Variants in PPP2R2C observed in about 807,000 individuals in gnomAD.
PPP2R2C encodes protein phosphatase 2 regulatory subunit Bgamma, also known as protein phosphatase 2, regulatory subunit B, gamma.
PPP2R2C carries 10 observed loss-of-function variants against 45.3 expected under a neutral mutation model. The observed-to-expected ratio is 0.22, with a 90% CI of 0.14 to 0.37. The LOEUF is 0.37. PPP2R2C is among the 10% of genes least tolerant of loss of function. The pLI, the probability that PPP2R2C is intolerant of heterozygous loss-of-function variation, is 1.00. For missense variants in PPP2R2C, 308 were observed against 619.7 expected (o/e 0.50, Z 5.34); for synonymous variants, 257 against 245.4 (o/e 1.05, Z -0.44).
intron 1 of PPP2R2C, among the ~76,000 whole-genome samples, chr4:6,395,237 A>G (rs1716943441): frequency 6.6e-6 from 1 of 151,950 alleles, no homozygotes; most frequent in Admixed American, 6.6e-5. Flanking sequence ...CACTCCTAAC[A>G]CTGCCCCTTC....
chr4:6,323,687 G>A, intron 8 of PPP2R2C, 94 bp from the exon 9 acceptor site: 1 of 1,309,298 alleles, frequency 7.6e-7, no homozygotes. Flanking sequence ...CATAATCCCA[G>A]GACTTTGGGA....
At chr4:6,464,708 T>A (rs1456930243) in intron 1 of PPP2R2C, among the ~76,000 whole-genome samples, 1 of 152,198 alleles carries the variant, frequency 6.6e-6, no homozygotes, top group Non-Finnish European at 1.5e-5. Context: ...TGCCAATGTG[T>A]GTCAACAACA....
chr4:6,439,730 ACATACTTCT>A (rs1416952705), intron 1 of PPP2R2C, among the ~76,000 whole-genome samples: 1 of 152,162 alleles, frequency 6.6e-6, no homozygotes, highest in Non-Finnish European at 1.5e-5. Flanking sequence ...ACTCAGACAT[ACATACTTCT>A]CTGTTGAATG....
intron 1 of PPP2R2C, among the ~76,000 whole-genome samples, chr4:6,397,426 G>T (rs1200686229): frequency 6.6e-6 from 1 of 152,238 alleles, no homozygotes; most frequent in Non-Finnish European, 1.5e-5. Flanking sequence ...TGCGCTGCGG[G>T]GGTCTCCCGG....
chr4:6,362,859 C>A (rs182407250), intron 5 of PPP2R2C, among the ~76,000 whole-genome samples: 1,631 of 135,706 alleles, frequency 0.012, 18 homozygotes, highest in Non-Finnish European at 0.02. Context: ...TGAATCCCAG[C>A]CCTGGCACCC....
intron 1 of PPP2R2C, among the ~76,000 whole-genome samples, chr4:6,444,026 G>A (rs1404748801): frequency 6.6e-6 from 1 of 152,202 alleles, no homozygotes; most frequent in Non-Finnish European, 1.5e-5. Context: ...CCTGGCCCGT[G>A]AGTAGCCTCC....
chr4:6,363,539 A>C (rs1037289575), intron 5 of PPP2R2C, among the ~76,000 whole-genome samples: 19 of 151,962 alleles, frequency 1.3e-4, no homozygotes, highest in Admixed American at 6.6e-4. Flanking sequence ...AGATTGAGCC[A>C]CTGCACTTCA....
At chr4:6,375,482 G>A (rs1256337967) in intron 4 of PPP2R2C, among the ~76,000 whole-genome samples, 1 of 152,144 alleles carries the variant, frequency 6.6e-6, no homozygotes, top group African/African-American at 2.4e-5. Flanking sequence ...GCAGTTTTAG[G>A]TGAGTTGCTG....
At chr4:6,464,016 G>A (rs1278494503) in intron 1 of PPP2R2C, among the ~76,000 whole-genome samples, 5 of 152,280 alleles carry the variant, frequency 3.3e-5, no homozygotes, top group South Asian at 4.2e-4. Flanking sequence ...AGTCAGGAGC[G>A]TGGGTTTGGC....
rs1725641656 is a variant in PPP2R2C, at chr4:6,563,219, T to C, written c.-59+341A>G. Among the ~76,000 whole-genome samples, 1 of 152,178 alleles carries C rather than the reference T, an allele frequency of 6.6e-6. No individual in the cohort carries two copies. Among genetic ancestry groups the C allele is most frequent in the Non-Finnish European group, 1.5e-5 (1 of 68,032 alleles). ...TGTGGCTGACACCGGTGGAGCGATCTGCCCTGGCTCGCGCGGCGAGCAAGT... is the reference window on the plus strand; with the variant it reads ...TGTGGCTGACACCGGTGGAGCGATCCGCCCTGGCTCGCGCGGCGAGCAAGT... On this transcript the variant is annotated intron_variant, in intron 1 of 9. Transcript: ENST00000506140. This position sits in a 1 kb window ranked among gnomAD's most constrained non-coding sequence, Gnocchi z 5.8.
Position 6,323,158 on chromosome 4 carries a change from C to A in PPP2R2C, c.*144G>T, listed in dbSNP as rs1731659561. On this transcript the variant is annotated 3_prime_UTR_variant, in exon 9 of 9. Coordinates refer to ENST00000382599, the MANE Select transcript of PPP2R2C (RefSeq NM_020416.4). Reference sequence around the variant, plus strand: ...AGCTGGGGCAGGGAGGGGGCCCAAACTTCCTGTGTCCACACACTGCCACCT... The same window carrying A: ...AGCTGGGGCAGGGAGGGGGCCCAAAATTCCTGTGTCCACACACTGCCACCT... The A allele has an allele frequency of 4.0e-6, 4 of 1,004,794 alleles. No homozygotes were observed. Among genetic ancestry groups the A allele is most frequent in the Non-Finnish European group, 5.5e-6 (4 of 731,488 alleles). 62.2% of individuals were successfully genotyped at this position (1,004,794 alleles called of 1,614,324 possible).
chr4:6,329,520 C>A lies in PPP2R2C; in HGVS notation c.961-167G>T, dbSNP rs1732233230. Among the ~76,000 whole-genome samples the A allele has an allele frequency of 6.6e-6, 1 of 152,154 alleles. No individual in the cohort carries two copies. Among genetic ancestry groups the A allele is most frequent in the Non-Finnish European group, 1.5e-5 (1 of 68,032 alleles). Reference sequence around the variant, plus strand: ...AATGCTCTGACACAGCCCGACACAGCCCTGCTCATCTCATCGGGAGGCCCA... The same window carrying A: ...AATGCTCTGACACAGCCCGACACAGACCTGCTCATCTCATCGGGAGGCCCA... On this transcript the variant is annotated intron_variant, in intron 7 of 8. Transcript: ENST00000382599. This position sits in a 1 kb window ranked among gnomAD's most constrained non-coding sequence, Gnocchi z 5.8.
intron 1 of PPP2R2C, among the ~76,000 whole-genome samples, chr4:6,450,461 G>C (rs1477546264): frequency 6.6e-6 from 1 of 152,184 alleles, no homozygotes; most frequent in Non-Finnish European, 1.5e-5. Flanking sequence ...TCACTCTCAA[G>C]ATCACCAAGC....
intron 1 of PPP2R2C, among the ~76,000 whole-genome samples, chr4:6,466,616 CCTT>C (rs1368959493): frequency 6.6e-6 from 1 of 152,118 alleles, no homozygotes; most frequent in African/African-American, 2.4e-5. Flanking sequence ...AGTTCACTCT[CCTT>C]CTCTTACTCC....
intron 2 of PPP2R2C, among the ~76,000 whole-genome samples, chr4:6,490,471 A>G (rs1205492386): frequency 6.6e-6 from 1 of 152,244 alleles, no homozygotes; most frequent in Non-Finnish European, 1.5e-5. Flanking sequence ...CACAAATTAA[A>G]TATCAGGACT....
chr4:6,513,773 G>A (rs972928056), intron 2 of PPP2R2C, among the ~76,000 whole-genome samples: 4 of 152,198 alleles, frequency 2.6e-5, no homozygotes, highest in Non-Finnish European at 5.9e-5. Context: ...ACCCCAGAAG[G>A]GGTGGTGGGC....
chr4:6,512,909 A>C (rs1244236355), intron 2 of PPP2R2C, among the ~76,000 whole-genome samples: 1 of 152,094 alleles, frequency 6.6e-6, no homozygotes, highest in Non-Finnish European at 1.5e-5. Flanking sequence ...CAGTGAAATC[A>C]GACCCAATAA....
intron 1 of PPP2R2C, among the ~76,000 whole-genome samples, chr4:6,463,616 C>T (rs1259348712): frequency 2.6e-5 from 4 of 152,234 alleles, no homozygotes; most frequent in Non-Finnish European, 4.4e-5. Context: ...TGGCAACTAA[C>T]TAACTGCCTC....
chr4:6,338,223 C>A (rs375837839), intron 6 of PPP2R2C, among the ~76,000 whole-genome samples: 7 of 152,354 alleles, frequency 4.6e-5, no homozygotes, highest in Admixed American at 6.5e-5. Flanking sequence ...CCCACTCCCC[C>A]ACACCCTAAT....
Sources: allele counts gnomAD v4.1 joint callset (sites outside exome capture counted in the v4.1 genomes callset), GRCh38; gene constraint gnomAD v4.1.1; non-coding constraint Gnocchi (gnomAD v3.1); transcripts MANE v1.5; gene names NCBI Gene and HGNC (gene_info 2026-07-23, HGNC 2026-07-21).